The following CAMK2A variants were observed in gnomAD, a reference collection of about 807,000 sequenced individuals.
CAMK2A encodes calcium/calmodulin dependent protein kinase II alpha, also known as calcium/calmodulin-dependent protein kinase type II subunit alpha.
In CAMK2A, 7 loss-of-function variants were observed where a neutral mutation model predicts 79.2. That is an observed-to-expected ratio of 0.09 (90% confidence interval 0.05 to 0.17). CAMK2A has a LOEUF of 0.17. Among genes scored for constraint, CAMK2A ranks in the 10% least tolerant of loss-of-function variants. The pLI, the probability that CAMK2A is intolerant of heterozygous loss-of-function variation, is 1.00. For missense variants in CAMK2A, 214 were observed against 646.4 expected, an observed-to-expected ratio of 0.33 and a Z score of 7.25; for synonymous variants, 242 against 251.7, an observed-to-expected ratio of 0.96 and a Z score of 0.36.
At chr5:150,279,044 A>G (rs983495815) in intron 1 of CAMK2A, among the ~76,000 whole-genome samples, 1 of 152,144 alleles carries the variant, frequency 6.6e-6, no homozygotes, top group Admixed American at 6.5e-5. Flanking sequence ...CTCTTCATCT[A>G]CAATGTGGAG....
At chr5:150,222,818 C>G in intron 18 of CAMK2A, 105 bp from the exon 19 acceptor site, 2 of 1,461,036 alleles carry the variant, frequency 1.4e-6, no homozygotes, top group African/African-American at 2.8e-5. Context: ...CTGGTGGCTC[C>G]TGCCCAGCTC....
chr5:150,288,194 C>T (rs1757509991), intron 1 of CAMK2A, among the ~76,000 whole-genome samples: 1 of 152,150 alleles, frequency 6.6e-6, no homozygotes, highest in South Asian at 2.1e-4. Flanking sequence ...CTCACAGGAA[C>T]ACCATTGTGT....
chr5:150,278,300 A>G (rs909006327), intron 1 of CAMK2A, among the ~76,000 whole-genome samples: 4 of 152,140 alleles, frequency 2.6e-5, no homozygotes, highest in African/African-American at 9.7e-5. Context: ...AGTGGGGATC[A>G]GAGGAAAGTC....
chr5:150,245,338 GCCTCCTCCT>G (rs34649296), intron 12 of CAMK2A, 137 bp from the exon 13 acceptor site: 87 of 659,168 alleles, frequency 1.3e-4, no homozygotes, highest in Middle Eastern at 6.9e-4. Context: ...CCTGGGGGAG[GCCTCCTCCT>G]CCTCCTCCTC....
intron 13 of CAMK2A, among the ~76,000 whole-genome samples, chr5:150,244,945 T>A (rs1457043677): frequency 6.7e-6 from 1 of 150,340 alleles, no homozygotes; most frequent in Non-Finnish European, 1.5e-5. Context: ...CCTCCTCCAG[T>A]CCCCCCTCTC....
In CAMK2A at chr5:150,238,710, T is replaced by G; in HGVS notation, c.1056A>C (p.Glu352Asp). ...SESTNTTIED[E>D]DTKVRKQEII... is the part of the protein sequence containing the mutation. ...AAGGCCCCTCCCTACCTTTGGTGTC[T>G]TCATCCTCGATGGTGGTGTTGGTGC... Residue 352 changes from glutamate (E) to aspartate (D), a missense_variant, in exon 15 of 19, where the codon GAA becomes GAC. By Grantham distance (45) the Glu-to-Asp change is conservative (BLOSUM62 2). This residue lies in a region of CAMK2A where 123 missense variants were observed against 242.4 expected (regional missense o/e 0.51). Coordinates refer to ENST00000671881, the MANE Select transcript of CAMK2A (RefSeq NM_015981.4). The G allele has an allele frequency of 6.2e-7, 1 of 1,607,278 alleles. No homozygotes were observed. The highest frequency in any genetic ancestry group is 1.1e-5 in the South Asian group (1 of 89,574).
rs761053449 is a variant in CAMK2A, at chr5:150,247,718, C to T, written c.943+54G>A. The stretch of plus-strand genomic sequence containing the variant: ...CACTCCAATATCTGACAGGACGGTG[C>T]CCCCAACGAACTGGTGCAGGGCTTA... On this transcript the variant is annotated intron_variant, in intron 12 of 18. Coordinates refer to ENST00000671881, the MANE Select transcript of CAMK2A (RefSeq NM_015981.4). 21 of 1,459,136 alleles carry T rather than the reference C, an allele frequency of 1.4e-5. No individual in the cohort carries two copies. The South Asian group carries it at 2.0e-4, about 14-fold the overall frequency. The allele number at this position is 1,459,136 out of a possible 1,614,324, so 90.4% of individuals were successfully genotyped here. A position where few individuals can be genotyped will look rare whatever the true frequency, so the allele number is the denominator to read the frequency against.
At chr5:150,255,710 AG>A (rs1225239407) in intron 6 of CAMK2A, among the ~76,000 whole-genome samples, 1 of 152,198 alleles carries the variant, frequency 6.6e-6, no homozygotes, top group Non-Finnish European at 1.5e-5. Context: ...GACATCTGGC[AG>A]GGTCACCCTA....
chr5:150,272,675 C>A lies in CAMK2A; in HGVS notation c.157+390G>T, dbSNP rs80325707. On this transcript the variant is annotated intron_variant, in intron 2 of 18. Coordinates refer to ENST00000671881, the MANE Select transcript of CAMK2A (RefSeq NM_015981.4). Reference sequence around the variant, plus strand: ...CAAAGGATGTGACCTTCAGCTGAGACCTGAAGGCTGAGAAACAGCCATTCA... The same window carrying A: ...CAAAGGATGTGACCTTCAGCTGAGAACTGAAGGCTGAGAAACAGCCATTCA... 0.011 allele frequency among the ~76,000 whole-genome samples: 1,644 copies of A among 151,750 alleles called. 48 individuals are homozygous for A. In the East Asian group the frequency reaches 0.12, roughly 11 times the overall value.
rs553895874 is a variant in CAMK2A, at chr5:150,266,472, C to A, written c.158-1457G>T. ...CAAACAAAACCATAAAAAGAAATCT[C>A]TTTTTAAAAACTCTGTGCCAAGCAC... On this transcript the variant is annotated intron_variant, in intron 2 of 18. Coordinates refer to ENST00000671881, the MANE Select transcript of CAMK2A (RefSeq NM_015981.4). Among the ~76,000 whole-genome samples the A allele has an allele frequency of 4.6e-5, 7 of 152,262 alleles. No homozygotes were observed. The South Asian group carries it at 1.5e-3, about 32-fold the overall frequency.
intron 3 of CAMK2A, among the ~76,000 whole-genome samples, chr5:150,260,554 T>G (rs1756263394): frequency 1.3e-5 from 2 of 152,092 alleles, no homozygotes; most frequent in South Asian, 4.1e-4. Flanking sequence ...CAGAAGCCCT[T>G]TGGTAAGTTG....
chr5:150,260,969 A>G (rs1046409763), intron 3 of CAMK2A, among the ~76,000 whole-genome samples: 6 of 152,202 alleles, frequency 3.9e-5, no homozygotes, highest in African/African-American at 1.4e-4. Flanking sequence ...AGCTGCAGCT[A>G]GAATCATCTC....
intron 15 of CAMK2A, among the ~76,000 whole-genome samples, chr5:150,235,988 G>C (rs1157043656): frequency 6.6e-6 from 1 of 152,058 alleles, no homozygotes; most frequent in Non-Finnish European, 1.5e-5. Flanking sequence ...GGGAAACTGA[G>C]GCAGGAAACA....
Position 150,222,668 on chromosome 5 carries a change from G to T in CAMK2A, c.*42C>A. 5 of 1,611,892 alleles carry T rather than the reference G, an allele frequency of 3.1e-6. No homozygotes were observed. Among genetic ancestry groups the T allele is most frequent in the Non-Finnish European group, 4.2e-6 (5 of 1,178,088 alleles). ...GCAGCTCCACTCCACGGACAGAGTG[G>T]ATCTCTGCGGCACAGCAACGCAGCG... On this transcript the variant is annotated 3_prime_UTR_variant, in exon 19 of 19. Transcript: ENST00000671881.
At chr5:150,288,252 T>A (rs1451412973) in intron 1 of CAMK2A, among the ~76,000 whole-genome samples, 1 of 152,128 alleles carries the variant, frequency 6.6e-6, no homozygotes, top group East Asian at 1.9e-4. Flanking sequence ...CTCACACACA[T>A]GTGCCTTCCT....
chr5:150,225,755 A>AT (rs10578842), intron 17 of CAMK2A, among the ~76,000 whole-genome samples: 1 of 64,272 alleles, frequency 1.6e-5, no homozygotes, highest in African/African-American at 1.0e-4. Context: ...TATTATTATT[A>AT]TTTTTTTTAG....
chr5:150,232,289 T>A (rs112437984), intron 15 of CAMK2A, among the ~76,000 whole-genome samples: 40 of 152,322 alleles, frequency 2.6e-4, no homozygotes, highest in African/African-American at 9.6e-4. Context: ...CCGAGGGTTG[T>A]TATGAGGGTG....
chr5:150,222,783 G>A (rs779659380), intron 18 of CAMK2A, 70 bp from the exon 19 acceptor site: 65 of 1,586,412 alleles, frequency 4.1e-5, no homozygotes, highest in Middle Eastern at 1.9e-4. Context: ...CCACCCTGCC[G>A]CTTTAGATGG....
chr5:150,230,697 T>C (rs1478809671), intron 16 of CAMK2A, among the ~76,000 whole-genome samples: 1 of 152,250 alleles, frequency 6.6e-6, no homozygotes, highest in Non-Finnish European at 1.5e-5. Flanking sequence ...GCTCAGCCCA[T>C]GCACACACAG....
Sources: gnomAD v4.1 joint callset for allele counts (sites outside exome capture counted in the v4.1 genomes callset) on GRCh38, gnomAD v4.1.1 for gene constraint, gnomAD v4.1.1 regional missense constraint, MANE v1.5 for transcripts, NCBI Gene and HGNC (gene_info 2026-07-23, HGNC 2026-07-21) for gene names.